CDH18: variants seen among roughly 807,000 people sequenced by gnomAD.
CDH18 encodes cadherin 18, also known as cadherin-18.
Under a neutral mutation model 67.9 loss-of-function variants are expected in CDH18, and 31 were observed. The ratio of observed to expected loss-of-function variants is 0.46; its 90% CI spans 0.34 to 0.62. The LOEUF (loss-of-function observed/expected upper bound fraction) is 0.62, where lower values mean the gene tolerates loss of function less well. Among genes scored for constraint, CDH18 ranks in the 20% least tolerant of loss-of-function variants. CDH18 has a pLI of 0.01. For synonymous variants in CDH18, 362 were observed against 347.2 expected, an observed-to-expected ratio of 1.04 and a Z score of -0.48; for missense variants, 890 against 975.5, an observed-to-expected ratio of 0.91 and a Z score of 1.17.
intron 1 of CDH18, among the ~76,000 whole-genome samples, chr5:20,290,583 CTAAAG>C (rs1225345661): frequency 6.6e-6 from 1 of 152,086 alleles, no homozygotes; most frequent in Non-Finnish European, 1.5e-5. Flanking sequence ...CCTACAGAGA[CTAAAG>C]TAATTTCCAG....
In CDH18 at chr5:19,584,359, A is replaced by C. The variant is rs78614759; in HGVS notation, c.999+6698T>G. ...GATTTATAGAGCAGTGCTGATTTCT[A>C]TCTGTGAGGAGATTAGCTGTTCTGC... On this transcript the variant is annotated intron_variant, in intron 7 of 12. Transcript: ENST00000382275. 3.3e-5 allele frequency among the ~76,000 whole-genome samples: 5 copies of C among 152,286 alleles called. No individual in the cohort carries two copies. The East Asian group carries it at 7.7e-4, about 24-fold the overall frequency.
Position 20,221,378 on chromosome 5 carries a change from CAT to C in CDH18, c.-518+34064_-518+34065del, listed in dbSNP as rs1741209470. On this transcript the variant is annotated intron_variant, in intron 2 of 14. Coordinates refer to the CDH18 transcript ENST00000507958. ...GCCTGGCACAGAAAGACAAAATTCA[CAT>C]GTTTCCACTCATGTGTGGAATCTGA... Among the ~76,000 whole-genome samples the C allele has an allele frequency of 2.0e-5, 3 of 152,204 alleles. No homozygotes were observed. The South Asian group carries it at 6.2e-4, about 32-fold the overall frequency.
At chr5:19,538,281 C>G (rs937686565) in intron 9 of CDH18, among the ~76,000 whole-genome samples, 1 of 152,104 alleles carries the variant, frequency 6.6e-6, no homozygotes, top group Non-Finnish European at 1.5e-5. Context: ...GACTTCTGAC[C>G]TACAGAAATC....
chr5:19,981,401 C>CTTT (rs1799025002), intron 1 of CDH18, among the ~76,000 whole-genome samples: 2 of 132,600 alleles, frequency 1.5e-5, no homozygotes, highest in African/African-American at 4.9e-5. Flanking sequence ...CAAAACACCA[C>CTTT]AGAAAGAATA....
intron 1 of CDH18, among the ~76,000 whole-genome samples, chr5:20,426,236 T>C (rs1017592657): frequency 1.3e-5 from 2 of 151,140 alleles, no homozygotes; most frequent in African/African-American, 4.9e-5. Context: ...GGAAATTACA[T>C]AAGATAATTC....
chr5:19,905,230 T>G (rs759891744), intron 2 of CDH18, among the ~76,000 whole-genome samples: 1 of 152,106 alleles, frequency 6.6e-6, no homozygotes, highest in Non-Finnish European at 1.5e-5. Flanking sequence ...ATAATACTGT[T>G]GCTACATTTT....
At chr5:19,689,656 C>CA (rs1561054984) in intron 5 of CDH18, among the ~76,000 whole-genome samples, 3 of 151,318 alleles carry the variant, frequency 2.0e-5, no homozygotes, top group African/African-American at 4.8e-5. Context: ...GTTACCACTA[C>CA]AAAAAAACCA....
chr5:19,533,789 A>G (rs1749014947), intron 9 of CDH18, among the ~76,000 whole-genome samples: 1 of 152,166 alleles, frequency 6.6e-6, no homozygotes, highest in African/African-American at 2.4e-5. Context: ...AGGTTGATAT[A>G]TAGGATGGCA....
At chr5:19,520,034 A>T (rs967626095) in intron 10 of CDH18, among the ~76,000 whole-genome samples, 13 of 152,152 alleles carry the variant, frequency 8.5e-5, no homozygotes, top group African/African-American at 3.1e-4. Flanking sequence ...ATAATTTCTT[A>T]TACAGCAGAA....
intron 1 of CDH18, among the ~76,000 whole-genome samples, chr5:20,419,446 CA>C (rs1747643825): frequency 6.8e-6 from 1 of 146,594 alleles, no homozygotes; most frequent in African/African-American, 2.5e-5. Context: ...GCCAACCACC[CA>C]GGGTATGGGA....
intron 1 of CDH18, among the ~76,000 whole-genome samples, chr5:20,559,170 T>C (rs1196122388): frequency 1.3e-5 from 2 of 151,914 alleles, no homozygotes; most frequent in African/African-American, 4.8e-5. Context: ...ATTAAGATTT[T>C]CATGACAAGT....
At chr5:19,555,220 T>C (rs1407906052) in intron 8 of CDH18, among the ~76,000 whole-genome samples, 1 of 152,072 alleles carries the variant, frequency 6.6e-6, no homozygotes, top group East Asian at 1.9e-4. Flanking sequence ...CACTGTGAAC[T>C]TTTGCTCCAA....
At chr5:19,808,924 A>G (rs1478478441) in intron 3 of CDH18, among the ~76,000 whole-genome samples, 2 of 152,084 alleles carry the variant, frequency 1.3e-5, no homozygotes, top group East Asian at 3.9e-4. Context: ...ATATATTTCT[A>G]CATTATATTT....
chr5:19,840,731 C>T (rs1471017303), intron 2 of CDH18, among the ~76,000 whole-genome samples: 1 of 151,892 alleles, frequency 6.6e-6, no homozygotes, highest in African/African-American at 2.4e-5. Flanking sequence ...AAAAGAATGA[C>T]TGAAATTATA....
chr5:19,939,412 A>C (rs1025695257), intron 2 of CDH18, among the ~76,000 whole-genome samples: 1 of 151,814 alleles, frequency 6.6e-6, no homozygotes, highest in Non-Finnish European at 1.5e-5. Context: ...GCCTTTTATT[A>C]TATACTTATT....
At chr5:19,714,888 ATTG>A (rs532932030) in intron 5 of CDH18, among the ~76,000 whole-genome samples, 132 of 152,194 alleles carry the variant, frequency 8.7e-4, no homozygotes, top group African/African-American at 2.9e-3. Context: ...AGCAATTATT[ATTG>A]TTATTATTAT....
In CDH18 at chr5:20,508,049, A is replaced by G. The variant is rs2126471657; in HGVS notation, c.-580+67413T>C. On this transcript the variant is annotated intron_variant, in intron 1 of 14. Coordinates refer to the CDH18 transcript ENST00000507958. ...TATCAAATAAAATAGCTTCTCTCTA[A>G]TGAGTGAAATGAAATAGTTTCTAGT... Among the ~76,000 whole-genome samples, 2 of 152,058 alleles carry G rather than the reference A, an allele frequency of 1.3e-5. 1 individual carries two copies. Among genetic ancestry groups the G allele is most frequent in the South Asian group, 4.1e-4 (2 of 4,828 alleles).
intron 2 of CDH18, among the ~76,000 whole-genome samples, chr5:20,184,053 G>A (rs1737904434): frequency 6.6e-6 from 1 of 152,024 alleles, no homozygotes; most frequent in African/African-American, 2.4e-5. Context: ...GGGAACAAAT[G>A]AGACAGAACT....
At chr5:19,867,584 T>C (rs1040131737) in intron 2 of CDH18, among the ~76,000 whole-genome samples, 10 of 115,822 alleles carry the variant, frequency 8.6e-5, no homozygotes, top group Admixed American at 7.1e-4. Context: ...GAATGACATA[T>C]TGCTTGATTG....
Sources: allele counts gnomAD v4.1 joint callset (sites outside exome capture counted in the v4.1 genomes callset), GRCh38; gene constraint gnomAD v4.1.1; transcripts MANE v1.5; gene names NCBI Gene and HGNC (gene_info 2026-07-23, HGNC 2026-07-21).